The following CEP55 variants were observed in gnomAD, a reference collection of about 807,000 sequenced individuals.
CEP55 encodes the protein centrosomal protein of 55 kDa.
Under a neutral mutation model 63.2 loss-of-function variants are expected in CEP55, and 57 were observed. The ratio of observed to expected loss-of-function variants is 0.90; its 90% confidence interval spans 0.73 to 1.13. The LOEUF (loss-of-function observed/expected upper bound fraction) is 1.13. CEP55 is among the 50% of genes most tolerant of loss of function. The probability of loss-of-function intolerance (pLI) is 0.00; values close to 1 mark genes in which losing one functional copy is unlikely to be tolerated. For missense variants in CEP55, 456 were observed against 518.9 expected, an observed-to-expected ratio of 0.88 and a Z score of 1.18; for synonymous variants, 178 against 191.6, an observed-to-expected ratio of 0.93 and a Z score of 0.59.
chr10:93,504,628 T>C (rs1218478580), intron 3 of CEP55, among the ~76,000 whole-genome samples: 1 of 152,130 alleles, frequency 6.6e-6, no homozygotes, highest in Non-Finnish European at 1.5e-5. Flanking sequence ...CGTTTGAGTG[T>C]TTCTGCAGAT....
rs762114472 is a variant in CEP55 at position 93,519,019 on chromosome 10, T to TGAGGAGA, written c.1065+72_1065+73insAGGAGAG. Reference sequence around the variant, plus strand: ...ATGCAGTTTTTCCTCATGTTTATGCTGTTCTATGGAGAACTGTTTGAAAGT... The same window carrying TGAGGAGA: ...ATGCAGTTTTTCCTCATGTTTATGCTGAGGAGAGTTCTATGGAGAACTGTTTGAAAGT... On this transcript the variant is annotated intron_variant, in intron 7 of 8. Transcript: ENST00000371485. The TGAGGAGA allele has an allele frequency of 5.3e-6, 6 of 1,135,764 alleles. No homozygotes were observed. The African/African-American group carries it at 9.2e-5, about 17-fold the overall frequency. 70.4% of individuals were successfully genotyped at this position (1,135,764 alleles called of 1,614,324 possible). A position where few individuals can be genotyped will look rare whatever the true frequency, so the allele number is the denominator to read the frequency against.
chr10:93,519,839 C>T, intron 8 of CEP55, 32 bp downstream of exon 8: 2 of 1,612,188 alleles, frequency 1.2e-6, no homozygotes, highest in Non-Finnish European at 1.7e-6. Flanking sequence ...TAAAATTTGT[C>T]TTCGTCTTCC....
In CEP55 at chr10:93,519,102, T is replaced by C. The variant is rs931565076; in HGVS notation, c.1065+154T>C. 6 of 565,524 alleles carry C rather than the reference T, an allele frequency of 1.1e-5. No homozygotes were observed. In the African/African-American group the frequency reaches 1.1e-4, roughly 11 times the overall value. 35.0% of individuals were successfully genotyped at this position (565,524 alleles called of 1,614,324 possible). On this transcript the variant is annotated intron_variant, in intron 7 of 8. Coordinates refer to ENST00000371485, the MANE Select transcript of CEP55 (RefSeq NM_018131.5). ...AGTCTTTCTTCTTCAATAAAAAAGA[T>C]ATTTCAAGAGACTCTGCTAGCCACT...
chr10:93,507,536 G>T (rs2057701496), intron 4 of CEP55, among the ~76,000 whole-genome samples: 1 of 151,986 alleles, frequency 6.6e-6, no homozygotes, highest in Non-Finnish European at 1.5e-5. Flanking sequence ...GGTCTCTGTA[G>T]GGTAGACAGC....
At chr10:93,523,680 T>C (rs940516871) in intron 8 of CEP55, among the ~76,000 whole-genome samples, 15 of 152,168 alleles carry the variant, frequency 9.9e-5, no homozygotes, top group Non-Finnish European at 1.6e-4. Flanking sequence ...ATTGACCACA[T>C]AGTTGGAAGT....
rs572584581 is a variant in CEP55, at chr10:93,517,251, A to C, written c.993+3A>C. The stretch of plus-strand genomic sequence containing the variant: ...GATCCGAAGAGCTCTTATCTCAGGT[A>C]AACTTAACCAGATCCATAATTCAGA... On this transcript the variant is annotated splice_donor_region_variant and intron_variant, in intron 6 of 8. Coordinates refer to ENST00000371485, the MANE Select transcript of CEP55 (RefSeq NM_018131.5). 8.0e-5 allele frequency: 126 copies of C among 1,577,230 alleles called. No homozygotes were observed. Among genetic ancestry groups the C allele is most frequent in the Non-Finnish European group, 1.1e-4 (125 of 1,163,314 alleles).
At position 93,503,267 on chromosome 10, in the gene CEP55, G is replaced by A; in HGVS notation, c.338G>A (p.Arg113Lys). Reference sequence around the variant, plus strand: ...GAAGAGACAACGAGAGAAGGAGAAAGGAGGGAGCAGGTGTTGAAAGCCTTA... The same window carrying A: ...GAAGAGACAACGAGAGAAGGAGAAAAGAGGGAGCAGGTGTTGAAAGCCTTA... ...QLEETTREGERREQVLKALSE... is the reference protein window; with the variant it reads ...QLEETTREGEKREQVLKALSE... The change falls in exon 3 of 9, where the codon AGG becomes AAG. Residue 113 changes from arginine (R) to lysine (K), a missense_variant. Arg to Lys is a conservative substitution (Grantham distance 26). Coordinates refer to ENST00000371485, the MANE Select transcript of CEP55 (RefSeq NM_018131.5). 2 of 1,614,058 alleles carry A rather than the reference G, an allele frequency of 1.2e-6. No homozygotes were observed. The highest frequency in any genetic ancestry group is 1.3e-5 in the African/African-American group (1 of 75,046).
intron 6 of CEP55, among the ~76,000 whole-genome samples, 188 bp from the exon 7 acceptor site, chr10:93,518,689 G>A (rs2057827492): frequency 6.6e-6 from 1 of 152,192 alleles, no homozygotes; most frequent in South Asian, 2.1e-4. Flanking sequence ...TCTCGGCAAG[G>A]GCGGTGGTAT....
rs541510615 is a variant in CEP55 at position 93,498,028 on chromosome 10, A to C, written c.-13+1105A>C. ...TCCCAGCTACTCAGGAGGCTGAGGC[A>C]GGAGAATCCCTTGAACCCGGGAGGC... On this transcript the variant is annotated intron_variant, in intron 1 of 8. Coordinates refer to ENST00000371485, the MANE Select transcript of CEP55 (RefSeq NM_018131.5). Among the ~76,000 whole-genome samples the C allele has an allele frequency of 3.9e-5, 6 of 152,174 alleles. No homozygotes were observed. In the South Asian group the frequency reaches 1.0e-3, roughly 26 times the overall value.
At chr10:93,504,394 A>T (rs1014256761) in intron 3 of CEP55, among the ~76,000 whole-genome samples, 9 of 151,548 alleles carry the variant, frequency 5.9e-5, no homozygotes, top group African/African-American at 1.9e-4. Flanking sequence ...AATCGCTTGA[A>T]CCCGAAAGGT....
intron 2 of CEP55, among the ~76,000 whole-genome samples, 156 bp downstream of exon 2, chr10:93,500,390 A>G (rs1373200742): frequency 3.3e-5 from 5 of 152,204 alleles, no homozygotes; most frequent in Non-Finnish European, 7.3e-5. Flanking sequence ...TTAAATTCCT[A>G]CTTTGACTTT....
chr10:93,523,751 A>G (rs561865010), intron 8 of CEP55, among the ~76,000 whole-genome samples: 31 of 152,278 alleles, frequency 2.0e-4, no homozygotes, highest in African/African-American at 7.0e-4. Flanking sequence ...CTCAGACCAC[A>G]GTGCAATCAA....
At chr10:93,500,449 AT>A (rs1306062061) in intron 2 of CEP55, among the ~76,000 whole-genome samples, 2 of 152,170 alleles carry the variant, frequency 1.3e-5, no homozygotes, top group African/African-American at 4.8e-5. Context: ...CACCTTTTAA[AT>A]GTAATTGAGT....
At chr10:93,502,082 T>A (rs2057641294) in intron 2 of CEP55, among the ~76,000 whole-genome samples, 1 of 152,250 alleles carries the variant, frequency 6.6e-6, no homozygotes, top group Non-Finnish European at 1.5e-5. Flanking sequence ...TCCTCTTAAC[T>A]TTTCTGCAGA....
At chr10:93,518,364 G>A (rs2057825163) in intron 6 of CEP55, among the ~76,000 whole-genome samples, 1 of 151,998 alleles carries the variant, frequency 6.6e-6, no homozygotes, top group African/African-American at 2.4e-5. Context: ...TGGCCAGGCT[G>A]GTCTCAAACT....
chr10:93,501,525 C>T (rs1411188042), intron 2 of CEP55, among the ~76,000 whole-genome samples: 5 of 152,070 alleles, frequency 3.3e-5, no homozygotes, highest in South Asian at 2.1e-4. Context: ...AAAAATTAGC[C>T]GGATGTGTTG....
chr10:93,498,999 C>G (rs1359991964), intron 1 of CEP55, among the ~76,000 whole-genome samples: 1 of 151,620 alleles, frequency 6.6e-6, no homozygotes, highest in Non-Finnish European at 1.5e-5. Context: ...ATTAGAGTTA[C>G]TTTTATATAC....
chr10:93,507,100 C>A, intron 4 of CEP55, 44 bp downstream of exon 4: 3 of 1,119,910 alleles, frequency 2.7e-6, no homozygotes, highest in Non-Finnish European at 4.0e-6. Flanking sequence ...AGGGCTAATT[C>A]ATTTATTCTT....
chr10:93,513,950 CT>C (rs575229278), intron 4 of CEP55, among the ~76,000 whole-genome samples: 8,657 of 144,210 alleles, frequency 0.06, 278 homozygotes, highest in Non-Finnish European at 0.066. Context: ...TCCCCCTCCC[CT>C]TTTTTTTTTT....
Sources: allele counts gnomAD v4.1 joint callset (sites outside exome capture counted in the v4.1 genomes callset), GRCh38; gene constraint gnomAD v4.1.1; transcripts MANE v1.5; gene names NCBI Gene and HGNC (gene_info 2026-07-23, HGNC 2026-07-21).